The following NEDD4 variants were observed in gnomAD, a reference collection of about 807,000 sequenced individuals.
The protein encoded by NEDD4 is E3 ubiquitin-protein ligase NEDD4.
NEDD4 carries 99 observed loss-of-function variants against 144.9 expected under a neutral mutation model. The observed-to-expected ratio is 0.68, with a 90% CI of 0.58 to 0.81. NEDD4 has a LOEUF of 0.81. Ranked by LOEUF, NEDD4 falls within the 30% of genes least tolerant of loss-of-function variation. The probability of loss-of-function intolerance (pLI) is 0.00; values close to 1 mark genes in which losing one functional copy is unlikely to be tolerated. For synonymous variants in NEDD4, 318 were observed against 350.6 expected (o/e 0.91, Z 1.04); for missense variants, 985 against 1,065.9 (o/e 0.92, Z 1.06).
At position 55,866,231 on chromosome 15, in the gene NEDD4, T is replaced by A. The variant is rs534556320; in HGVS notation, c.508-3152A>T. On this transcript the variant is annotated intron_variant, in intron 8 of 28. Transcript: ENST00000435532. ...GCCCAACCTTTCTTCTTTTTTTTTT[T>A]AAATTTTTACCTCTTTTATAAGAAT... is the stretch of plus-strand genomic sequence containing the variant. Among the ~76,000 whole-genome samples the A allele has an allele frequency of 1.4e-3, 207 of 151,804 alleles. 1 individual carries two copies. The highest frequency in any genetic ancestry group is 4.1e-3 in the African/African-American group (172 of 41,460).
At chr15:55,854,806 A>G (rs1281307603) in intron 12 of NEDD4, among the ~76,000 whole-genome samples, 3 of 151,966 alleles carry the variant, frequency 2.0e-5, no homozygotes, top group South Asian at 2.1e-4. Flanking sequence ...GTATTGAGGG[A>G]AAAAAAAGGC....
At chr15:55,937,645 T>C (rs1423080830) in intron 4 of NEDD4, among the ~76,000 whole-genome samples, 2 of 152,196 alleles carry the variant, frequency 1.3e-5, no homozygotes, top group Non-Finnish European at 2.9e-5. Context: ...CTAATCCTGA[T>C]TTGTCAATTA....
At position 55,981,271 on chromosome 15, in the gene NEDD4, G is replaced by A. The variant is rs138606065; in HGVS notation, c.45+12240C>T. Among the ~76,000 whole-genome samples the A allele has an allele frequency of 1.4e-3, 208 of 152,086 alleles. 1 individual carries two copies. Among genetic ancestry groups the A allele is most frequent in the African/African-American group, 4.7e-3 (195 of 41,500 alleles). On this transcript the variant is annotated intron_variant, in intron 1 of 28. Coordinates refer to ENST00000435532, the MANE Select transcript of NEDD4 (RefSeq NM_006154.4). Reference sequence around the variant, plus strand: ...CATATATCACCTCACCACCATGTTGGCCAGGCTGGTCTGGAACTCCTGACC... The same window carrying A: ...CATATATCACCTCACCACCATGTTGACCAGGCTGGTCTGGAACTCCTGACC...
At chr15:55,932,695 T>A (rs550018381) in intron 4 of NEDD4, among the ~76,000 whole-genome samples, 4 of 152,282 alleles carry the variant, frequency 2.6e-5, no homozygotes, top group African/African-American at 9.6e-5. Context: ...AAAGAGCTTC[T>A]GTACAGCAAA....
intron 1 of NEDD4, among the ~76,000 whole-genome samples, chr15:55,984,323 C>T (rs2037855155): frequency 2.0e-5 from 3 of 152,152 alleles, no homozygotes; most frequent in African/African-American, 7.2e-5. Flanking sequence ...AACACTTCTC[C>T]CTACTGGGAG....
At chr15:55,986,580 CTTTTTTTTTT>C (rs58470215) in intron 1 of NEDD4, among the ~76,000 whole-genome samples, 1 of 76,424 alleles carries the variant, frequency 1.3e-5, no homozygotes, top group Non-Finnish European at 2.2e-5. Flanking sequence ...CCTGTCCTTG[CTTTTTTTTTT>C]TTTTTTTTTT....
At chr15:55,881,465 T>TA (rs1229510031) in intron 5 of NEDD4, among the ~76,000 whole-genome samples, 1 of 152,132 alleles carries the variant, frequency 6.6e-6, no homozygotes, top group Non-Finnish European at 1.5e-5. Flanking sequence ...TTCCTGTTTT[T>TA]ATCACAAGTA....
At chr15:55,924,576 C>A in intron 5 of NEDD4, 70 bp downstream of exon 5, 1 of 1,365,748 alleles carries the variant, frequency 7.3e-7, no homozygotes, top group South Asian at 1.2e-5. Flanking sequence ...GACTGCTTAC[C>A]CACTTCCCCT....
chr15:55,933,692 AT>A (rs1170777312), intron 4 of NEDD4, among the ~76,000 whole-genome samples: 14 of 152,038 alleles, frequency 9.2e-5, no homozygotes, highest in African/African-American at 3.1e-4. Context: ...AAAAAAAAAA[AT>A]CTGATGGCTT....
chr15:55,848,654 GTTAAT>G, intron 15 of NEDD4, 79 bp from the exon 16 acceptor site: 1 of 1,354,072 alleles, frequency 7.4e-7, no homozygotes, highest in Non-Finnish European at 1.1e-6. Flanking sequence ...TGGTTGTATG[GTTAAT>G]TTAACTTGCA....
chr15:55,850,436 T>C, intron 14 of NEDD4, 106 bp downstream of exon 14: 1 of 1,021,820 alleles, frequency 9.8e-7, no homozygotes, highest in Non-Finnish European at 1.5e-6. Flanking sequence ...TCAATGAATA[T>C]TAGGAAACAT....
intron 5 of NEDD4, among the ~76,000 whole-genome samples, chr15:55,889,151 G>C (rs1595801596): frequency 6.6e-6 from 1 of 152,148 alleles, no homozygotes; most frequent in Non-Finnish European, 1.5e-5. Context: ...AATCAACAAA[G>C]TGGGGAGACA....
In NEDD4 at chr15:55,892,623, A is replaced by C. The variant is rs190961206; in HGVS notation, c.292-18615T>G. Among the ~76,000 whole-genome samples the C allele has an allele frequency of 1.1e-4, 16 of 150,642 alleles. No individual in the cohort carries two copies. In the East Asian group the frequency reaches 2.9e-3, roughly 27 times the overall value. Reference sequence around the variant, plus strand: ...AAGTAACACATACACCGAGTACAAAATCAAAAAGAAAATGAAACAGTTTCT... The same window carrying C: ...AAGTAACACATACACCGAGTACAAACTCAAAAAGAAAATGAAACAGTTTCT... On this transcript the variant is annotated intron_variant, in intron 5 of 28. Transcript: ENST00000435532.
intron 14 of NEDD4, 49 bp downstream of exon 14, chr15:55,850,493 G>A: frequency 1.3e-6 from 2 of 1,553,010 alleles, no homozygotes; most frequent in Non-Finnish European, 1.8e-6. Flanking sequence ...CTATACATAA[G>A]AGATGATTAT....
At chr15:55,952,615 A>C (rs2037262542) in intron 2 of NEDD4, 1 of 152,072 alleles carries the variant, frequency 6.6e-6, no homozygotes, top group African/African-American at 2.4e-5. Context: ...GCACCAGAAC[A>C]CTCGCAACAT....
chr15:55,839,907 A>G (rs28502110), intron 21 of NEDD4, among the ~76,000 whole-genome samples: 54,789 of 138,964 alleles, frequency 0.39, 11,033 homozygotes, highest in South Asian at 0.47. Flanking sequence ...CTTGGAAAGC[A>G]GAGGTTGCAG....
At chr15:55,904,847 C>T (rs551418423) in intron 5 of NEDD4, among the ~76,000 whole-genome samples, 8 of 152,048 alleles carry the variant, frequency 5.3e-5, no homozygotes, top group South Asian at 2.1e-4. Context: ...AATCCCAGCA[C>T]TTTGGGAGGC....
At chr15:55,959,315 C>G (rs2037388916) in intron 2 of NEDD4, among the ~76,000 whole-genome samples, 1 of 152,100 alleles carries the variant, frequency 6.6e-6, no homozygotes, top group Admixed American at 6.6e-5. Context: ...TTTTCTAGAT[C>G]TTAATATTAT....
At chr15:55,849,378 C>T (rs2033885800) in intron 14 of NEDD4, among the ~76,000 whole-genome samples, 1 of 152,102 alleles carries the variant, frequency 6.6e-6, no homozygotes, top group Non-Finnish European at 1.5e-5. Context: ...GCATGCACCA[C>T]CATGCCTAGC....
Sources: gnomAD v4.1 joint callset for allele counts (sites outside exome capture counted in the v4.1 genomes callset) on GRCh38, gnomAD v4.1.1 for gene constraint, MANE v1.5 for transcripts, NCBI Gene and HGNC (gene_info 2026-07-23, HGNC 2026-07-21) for gene names.